Variants in TNFAIP1 observed in about 807,000 individuals in gnomAD.
TNFAIP1 encodes the protein TNF alpha induced protein 1, also known as BTB/POZ domain-containing adapter for CUL3-mediated RhoA degradation protein 2.
In TNFAIP1, 20 loss-of-function variants were observed where a neutral mutation model predicts 32.6. The observed-to-expected ratio is 0.61, with a 90% CI of 0.43 to 0.89. The LOEUF is 0.89. TNFAIP1 is among the 40% of genes least tolerant of loss of function. The pLI, the probability that TNFAIP1 is intolerant of heterozygous loss-of-function variation, is 0.00. For synonymous variants in TNFAIP1, 166 were observed against 166.8 expected, an observed-to-expected ratio of 1.00 and a Z score of 0.04; for missense variants, 319 against 425.1, an observed-to-expected ratio of 0.75 and a Z score of 2.20.
chr17:28,344,440 ACTC>A lies in TNFAIP1; in HGVS notation c.794_796del (p.Ser265del). 6.2e-7 allele frequency: 1 copy of A among 1,612,688 alleles called. No individual in the cohort carries two copies. Among genetic ancestry groups the A allele is most frequent in the Non-Finnish European group, 8.5e-7 (1 of 1,179,678 alleles). On this transcript the variant is annotated inframe_deletion, in exon 7 of 7. Coordinates refer to ENST00000226225, the MANE Select transcript of TNFAIP1 (RefSeq NM_021137.5). Reference sequence around the variant, plus strand: ...TATGAGACTCCCCGCGTCCCCGACAACTCCTTGTTGGAGGCCACAAGCCGTAGC... The same window carrying A: ...TATGAGACTCCCCGCGTCCCCGACAACTTGTTGGAGGCCACAAGCCGTAGC...
Position 28,345,520 on chromosome 17 carries a change from T to C in TNFAIP1, c.*920T>C, listed in dbSNP as rs1275798323. Reference sequence around the variant, plus strand: ...GAGTACCCTTGGCTTCCAGCCATGCTGTCCTCACATACGGTAAAGCCAAAG... The same window carrying C: ...GAGTACCCTTGGCTTCCAGCCATGCCGTCCTCACATACGGTAAAGCCAAAG... On this transcript the variant is annotated 3_prime_UTR_variant, in exon 7 of 7. Coordinates refer to ENST00000226225, the MANE Select transcript of TNFAIP1 (RefSeq NM_021137.5). 6.6e-6 allele frequency: 1 copy of C among 152,314 alleles called. No individual in the cohort carries two copies. Among genetic ancestry groups the C allele is most frequent in the Non-Finnish European group, 1.5e-5 (1 of 68,054 alleles). 9.4% of individuals were successfully genotyped at this position (152,314 alleles called of 1,614,324 possible). A position where few individuals can be genotyped will look rare whatever the true frequency, so the allele number is the denominator to read the frequency against.
Position 28,340,247 on chromosome 17 carries a change from C to T in TNFAIP1, c.206-62C>T, listed in dbSNP as rs968331847. 1.4e-5 allele frequency: 22 copies of T among 1,576,786 alleles called. No homozygotes were observed. The African/African-American group carries it at 2.2e-4, about 15-fold the overall frequency. On this transcript the variant is annotated intron_variant, in intron 2 of 6. Coordinates refer to ENST00000226225, the MANE Select transcript of TNFAIP1 (RefSeq NM_021137.5). This position sits in a 1 kb window ranked among gnomAD's most constrained non-coding sequence, Gnocchi z 4.1. ...ACCTGCCGCCAGCTTGTCAGGTGGC[C>T]TTTGCCTGCCTCGGAGGTACCTGGC... is the stretch of plus-strand genomic sequence containing the variant.
chr17:28,344,501 G>A lies in TNFAIP1; in HGVS notation c.852G>A (p.Glu284=). The change falls in exon 7 of 7, where the codon GAG becomes GAA. Residue 284 remains glutamate (E), a synonymous_variant. Coordinates refer to ENST00000226225, the MANE Select transcript of TNFAIP1 (RefSeq NM_021137.5). ...RSQASPSEDE[E]TFELRDRVRR... ...AGGCTTCCCCCAGTGAAGATGAGGA[G>A]ACCTTTGAACTGCGGGACCGTGTCC... The A allele has an allele frequency of 1.2e-6, 2 of 1,614,002 alleles. No homozygotes were observed. The highest frequency in any genetic ancestry group is 1.7e-6 in the Non-Finnish European group (2 of 1,180,038).
intron 6 of TNFAIP1, among the ~76,000 whole-genome samples, 160 bp from the exon 7 acceptor site, chr17:28,344,204 C>A (rs1907462507): frequency 6.6e-6 from 1 of 152,180 alleles, no homozygotes; most frequent in Non-Finnish European, 1.5e-5. Flanking sequence ...CATCCCCTCA[C>A]CCCGCCTTCG....
rs1325951250 is a variant in TNFAIP1, at chr17:28,346,631, C to T, written c.*2031C>T. 6.6e-6 allele frequency: 1 copy of T among 152,230 alleles called. No individual in the cohort carries two copies. The highest frequency in any genetic ancestry group is 2.4e-5 in the African/African-American group (1 of 41,456). The allele number at this position is 152,230 out of a possible 1,614,324, so 9.4% of individuals were successfully genotyped here. A position where few individuals can be genotyped will look rare whatever the true frequency, so the allele number is the denominator to read the frequency against. On this transcript the variant is annotated 3_prime_UTR_variant, in exon 7 of 7. Coordinates refer to ENST00000226225, the MANE Select transcript of TNFAIP1 (RefSeq NM_021137.5). ...AAAATACTAACATTGAACTCACTGA[C>T]ATGATCTTAGCTTCTTTAATCAGAC...
Position 28,345,363 on chromosome 17 carries a change from G to C in TNFAIP1, c.*763G>C, listed in dbSNP as rs1255117656. 6.6e-6 allele frequency: 1 copy of C among 151,774 alleles called. No individual in the cohort carries two copies. The highest frequency in any genetic ancestry group is 2.4e-5 in the African/African-American group (1 of 41,248). The allele number at this position is 151,774 out of a possible 1,614,324, so 9.4% of individuals were successfully genotyped here. ...CCTGGCCAGCAGCTCAGAGTGCACC[G>C]AGGAGGGAAGGATGGCTAAGCTGGG... On this transcript the variant is annotated 3_prime_UTR_variant, in exon 7 of 7. Coordinates refer to ENST00000226225, the MANE Select transcript of TNFAIP1 (RefSeq NM_021137.5).
chr17:28,336,713 C>T (rs1555577485), intron 1 of TNFAIP1, among the ~76,000 whole-genome samples: 1 of 152,144 alleles, frequency 6.6e-6, no homozygotes, highest in African/African-American at 2.4e-5. Flanking sequence ...TAGTCATTGG[C>T]AACCTCCTGG....
At chr17:28,338,223 G>A (rs782066647) in intron 1 of TNFAIP1, among the ~76,000 whole-genome samples, 6 of 152,100 alleles carry the variant, frequency 3.9e-5, no homozygotes, top group East Asian at 1.9e-4. Flanking sequence ...CTCCCACCTC[G>A]GCCTACTGAG....
intron 1 of TNFAIP1, 92 bp from the exon 2 acceptor site, chr17:28,339,316 G>A: frequency 4.4e-6 from 2 of 450,912 alleles, no homozygotes; most frequent in Non-Finnish European, 7.7e-6. Flanking sequence ...GGGCTTGTCA[G>A]GGAGAGAATG....
At chr17:28,339,160 C>G (rs1907268179) in intron 1 of TNFAIP1, among the ~76,000 whole-genome samples, 1 of 150,536 alleles carries the variant, frequency 6.6e-6, no homozygotes, top group Non-Finnish European at 1.5e-5. Flanking sequence ...ATCACTTGAG[C>G]CTGGGAGGCA....
rs1907581826 is a variant in TNFAIP1 at position 28,346,713 on chromosome 17, G to A, written c.*2113G>A. 6.6e-6 allele frequency: 1 copy of A among 152,204 alleles called. No homozygotes were observed. The highest frequency in any genetic ancestry group is 1.5e-5 in the Non-Finnish European group (1 of 68,032). The allele number at this position is 152,204 out of a possible 1,614,324, so 9.4% of individuals were successfully genotyped here. On this transcript the variant is annotated 3_prime_UTR_variant, in exon 7 of 7. Coordinates refer to ENST00000226225, the MANE Select transcript of TNFAIP1 (RefSeq NM_021137.5). ...GAAAGTTTCCAGCCCTATTCAGAAA[G>A]CAACTCTTGGCTGTGTGCATTTTTC...
intron 4 of TNFAIP1, 37 bp from the exon 5 acceptor site, chr17:28,341,367 C>G (rs1398794782): frequency 5.0e-6 from 8 of 1,614,134 alleles, no homozygotes; most frequent in Non-Finnish European, 5.9e-6. Context: ...GGATGCCAGT[C>G]CCCTGGCCTG....
chr17:28,336,106 C>G (rs1907138673), intron 1 of TNFAIP1, among the ~76,000 whole-genome samples: 1 of 152,184 alleles, frequency 6.6e-6, no homozygotes, highest in Admixed American at 6.5e-5. Context: ...AACCTTTACA[C>G]CTAGGGTTTC....
chr17:28,342,449 G>C lies in TNFAIP1; in HGVS notation c.714+7G>C. On this transcript the variant is annotated splice_region_variant and intron_variant, in intron 6 of 6. Coordinates refer to ENST00000226225, the MANE Select transcript of TNFAIP1 (RefSeq NM_021137.5). The surrounding 1 kb of genome is among the most constrained non-coding windows in gnomAD (Gnocchi z 4.0). ...GGAGAAGAAGCAGACCAAGGTGTGGGGGATTGCCCCTGCCTGGGTAGGGGA... is the reference window on the plus strand; with the variant it reads ...GGAGAAGAAGCAGACCAAGGTGTGGCGGATTGCCCCTGCCTGGGTAGGGGA... 1 of 1,576,260 alleles carries C rather than the reference G, an allele frequency of 6.3e-7. No individual in the cohort carries two copies. The highest frequency in any genetic ancestry group is 8.7e-7 in the Non-Finnish European group (1 of 1,149,484).
At chr17:28,339,784 T>C (rs1489224166) in intron 2 of TNFAIP1, 58 bp downstream of exon 2, 3 of 1,561,006 alleles carry the variant, frequency 1.9e-6, no homozygotes, top group Non-Finnish European at 2.6e-6. Context: ...CCCAAGGAAA[T>C]GACCAGATCT....
chr17:28,337,961 A>C lies in TNFAIP1; in HGVS notation c.-114-1447A>C, dbSNP rs114398563. The stretch of plus-strand genomic sequence containing the variant: ...TTTCTATATGTGTTCTCTTCTGAGT[A>C]CCCAATGCCTGGCACGTAGGGGTAC... On this transcript the variant is annotated intron_variant, in intron 1 of 6. Transcript: ENST00000226225. Among the ~76,000 whole-genome samples, 893 of 152,292 alleles carry C rather than the reference A, an allele frequency of 5.9e-3. 6 individuals are homozygous for C. Among genetic ancestry groups the C allele is most frequent in the African/African-American group, 0.021 (869 of 41,550 alleles).
In TNFAIP1 at chr17:28,344,645, C is replaced by T. The variant is rs1555578662; in HGVS notation, c.*45C>T. Reference sequence around the variant, plus strand: ...GGGCACGGGAGGCCCTATCTCCCATCCTGTGGAACCCGCCCCATTGGCCAC... The same window carrying T: ...GGGCACGGGAGGCCCTATCTCCCATTCTGTGGAACCCGCCCCATTGGCCAC... On this transcript the variant is annotated 3_prime_UTR_variant, in exon 7 of 7. Transcript: ENST00000226225. 6 of 1,582,108 alleles carry T rather than the reference C, an allele frequency of 3.8e-6. No individual in the cohort carries two copies. Among genetic ancestry groups the T allele is most frequent in the Non-Finnish European group, 5.2e-6 (6 of 1,160,584 alleles).
chr17:28,339,767 A>G, intron 2 of TNFAIP1, 41 bp downstream of exon 2: 1 of 1,593,768 alleles, frequency 6.3e-7, no homozygotes, highest in South Asian at 1.1e-5. Flanking sequence ...GGAGGGCAGG[A>G]GGAGTTCCCA....
At position 28,342,265 on chromosome 17, in the gene TNFAIP1, G is replaced by A; in HGVS notation, c.537G>A (p.Leu179=). The A allele has an allele frequency of 1.9e-6, 3 of 1,583,946 alleles. No homozygotes were observed. Among genetic ancestry groups the A allele is most frequent in the Non-Finnish European group, 2.6e-6 (3 of 1,155,026 alleles). ...TTTTCAGCAACTCTGACGACCACCT[G>A]CTGAAAAACATCGAGCTGTTTGACA... The part of the protein sequence containing the change: ...YSYTSNSDDH[L]LKNIELFDKL... Residue 179 remains leucine (L), a synonymous_variant, in exon 6 of 7, where the codon CTG becomes CTA. Coordinates refer to ENST00000226225, the MANE Select transcript of TNFAIP1 (RefSeq NM_021137.5). This position sits in a 1 kb window ranked among gnomAD's most constrained non-coding sequence, Gnocchi z 4.0.
Sources: gnomAD v4.1 joint callset for allele counts (sites outside exome capture counted in the v4.1 genomes callset) on GRCh38, gnomAD v4.1.1 for gene constraint, Gnocchi (gnomAD v3.1) non-coding constraint, MANE v1.5 for transcripts, NCBI Gene and HGNC (gene_info 2026-07-23, HGNC 2026-07-21) for gene names.